The following SDK2 variants were observed in gnomAD, a reference collection of about 807,000 sequenced individuals.
The protein encoded by SDK2 is protein sidekick-2.
Under a neutral mutation model 253.9 loss-of-function variants are expected in SDK2, and 105 were observed. The observed-to-expected ratio is 0.41, with a 90% CI of 0.35 to 0.49. The LOEUF is 0.49. SDK2 is among the 20% of genes least tolerant of loss of function. The probability of loss-of-function intolerance (pLI) is 0.06; values close to 1 mark genes in which losing one functional copy is unlikely to be tolerated. For missense variants in SDK2, 2,608 were observed against 3,003.0 expected, an observed-to-expected ratio of 0.87 and a Z score of 3.07; for synonymous variants, 1,249 against 1,234.9, an observed-to-expected ratio of 1.01 and a Z score of -0.24.
At chr17:73,571,389 C>A (rs949313547) in intron 1 of SDK2, among the ~76,000 whole-genome samples, 2 of 152,182 alleles carry the variant, frequency 1.3e-5, no homozygotes, top group African/African-American at 4.8e-5. Flanking sequence ...AGCAACCCCA[C>A]AGCCAGTAGA....
chr17:73,504,294 AAG>A (rs1213617040), intron 2 of SDK2: 3 of 89,252 alleles, frequency 3.4e-5, no homozygotes, highest in Admixed American at 1.2e-4. Flanking sequence ...GAGGGAAAGA[AAG>A]AGAGAGGGAA....
chr17:73,442,153 C>A (rs1340217287), intron 5 of SDK2, among the ~76,000 whole-genome samples: 1 of 152,188 alleles, frequency 6.6e-6, no homozygotes, highest in Non-Finnish European at 1.5e-5. Context: ...GAGGAAGAGG[C>A]CAGAGCTGGC....
At chr17:73,412,263 C>CAT (rs1249305455) in intron 18 of SDK2, among the ~76,000 whole-genome samples, 9 of 147,118 alleles carry the variant, frequency 6.1e-5, no homozygotes, top group East Asian at 3.9e-4. Context: ...TATACATATA[C>CAT]ATATATATAT....
At chr17:73,362,821 A>G (rs1017448466) in intron 38 of SDK2, among the ~76,000 whole-genome samples, 3 of 152,168 alleles carry the variant, frequency 2.0e-5, no homozygotes, top group African/African-American at 4.8e-5. Flanking sequence ...AATACTCCTG[A>G]CTGCCAGCCT....
chr17:73,423,786 C>T (rs2063254919), intron 13 of SDK2, 130 bp downstream of exon 13: 2 of 850,502 alleles, frequency 2.4e-6, no homozygotes, highest in Non-Finnish European at 3.5e-6. Flanking sequence ...GGGGTATGTC[C>T]TGAGCAAAGC....
At chr17:73,478,002 C>T (rs1472560087) in intron 2 of SDK2, among the ~76,000 whole-genome samples, 1 of 152,202 alleles carries the variant, frequency 6.6e-6, no homozygotes, top group Non-Finnish European at 1.5e-5. Context: ...GAAATATATT[C>T]ACAATTCAAA....
intron 1 of SDK2, among the ~76,000 whole-genome samples, chr17:73,631,998 T>C (rs2046277476): frequency 6.6e-6 from 1 of 152,146 alleles, no homozygotes; most frequent in South Asian, 2.1e-4. Flanking sequence ...CTCTAATGGT[T>C]TGGAGCAGTT....
intron 1 of SDK2, among the ~76,000 whole-genome samples, chr17:73,597,467 T>A (rs1369470447): frequency 3.3e-5 from 5 of 152,306 alleles, no homozygotes; most frequent in Non-Finnish European, 7.3e-5. Flanking sequence ...GACGTATCTG[T>A]CTGGAATAGT....
At chr17:73,551,808 A>T (rs1225345061) in intron 1 of SDK2, among the ~76,000 whole-genome samples, 1 of 151,802 alleles carries the variant, frequency 6.6e-6, no homozygotes, top group Non-Finnish European at 1.5e-5. Flanking sequence ...AGACCACCCC[A>T]CCCCGCTGCT....
rs2046367181 is a variant in SDK2 at position 73,639,184 on chromosome 17, T to C, written c.64+4841A>G. ...GGCTCAGCTCAGCATCGCCCAGTGA[T>C]GGAGGCAGGATTCAAAGGGGCAGAA... On this transcript the variant is annotated intron_variant, in intron 1 of 44. Transcript: ENST00000392650. This position sits in a 1 kb window ranked among gnomAD's most constrained non-coding sequence, Gnocchi z 4.3. Among the ~76,000 whole-genome samples the C allele has an allele frequency of 6.6e-6, 1 of 152,186 alleles. No individual in the cohort carries two copies. The highest frequency in any genetic ancestry group is 2.4e-5 in the African/African-American group (1 of 41,446).
At chr17:73,411,455 CA>C (rs1180442374) in intron 18 of SDK2, among the ~76,000 whole-genome samples, 4 of 152,170 alleles carry the variant, frequency 2.6e-5, no homozygotes, top group African/African-American at 9.7e-5. Context: ...GACTGAAGCT[CA>C]GGGCCTGCAG....
chr17:73,364,220 G>A (rs2062665156), intron 38 of SDK2, among the ~76,000 whole-genome samples: 1 of 152,170 alleles, frequency 6.6e-6, no homozygotes, highest in Non-Finnish European at 1.5e-5. Flanking sequence ...TTCTTGGCAT[G>A]TTACCAGGGG....
Position 73,447,562 on chromosome 17 carries a change from G to A in SDK2, c.613+53C>T. On this transcript the variant is annotated intron_variant, in intron 5 of 44. Transcript: ENST00000392650. The surrounding 1 kb of genome is among the most constrained non-coding windows in gnomAD (Gnocchi z 4.0). ...CCCAATGATCCCCTGGAGCACCATT[G>A]CTAAGATTTAATGGCCCGCTCCAAG... 1 of 1,546,718 alleles carries A rather than the reference G, an allele frequency of 6.5e-7. No homozygotes were observed. The highest frequency in any genetic ancestry group is 2.5e-5 in the East Asian group (1 of 40,784).
rs2040148315 is a variant in SDK2 at position 73,435,270 on chromosome 17, T to G, written c.1195+180A>C. ...TCCTCCAGGGCTCTGGACTCAGGGC[T>G]GCAGAGGCAGCAGCGGTAACTGGCT... On this transcript the variant is annotated intron_variant, in intron 9 of 44. Transcript: ENST00000392650. The surrounding 1 kb of genome is among the most constrained non-coding windows in gnomAD (Gnocchi z 5.7). Among the ~76,000 whole-genome samples the G allele has an allele frequency of 6.6e-6, 1 of 152,226 alleles. No homozygotes were observed. Among genetic ancestry groups the G allele is most frequent in the Non-Finnish European group, 1.5e-5 (1 of 68,034 alleles).
At position 73,455,834 on chromosome 17, in the gene SDK2, A is replaced by G. The variant is rs2063521679; in HGVS notation, c.479+72T>C. On this transcript the variant is annotated intron_variant, in intron 4 of 44. Coordinates refer to ENST00000392650, the MANE Select transcript of SDK2 (RefSeq NM_001144952.2). This position sits in a 1 kb window ranked among gnomAD's most constrained non-coding sequence, Gnocchi z 5.0. ...AGGCCCTCCTCCACACTCAAGGGAGACTTTATCTGGCCCCAAACCTCCTCC... is the reference window on the plus strand; with the variant it reads ...AGGCCCTCCTCCACACTCAAGGGAGGCTTTATCTGGCCCCAAACCTCCTCC... 1.4e-6 allele frequency: 2 copies of G among 1,457,566 alleles called. No homozygotes were observed. Among genetic ancestry groups the G allele is most frequent in the Non-Finnish European group, 1.8e-6 (2 of 1,097,292 alleles). The allele number at this position is 1,457,566 out of a possible 1,614,324, so 90.3% of individuals were successfully genotyped here.
At chr17:73,463,532 C>G (rs544497697) in intron 3 of SDK2, among the ~76,000 whole-genome samples, 41 of 152,308 alleles carry the variant, frequency 2.7e-4, no homozygotes, top group African/African-American at 6.0e-4. Context: ...GGATCTCCCC[C>G]CTTCCCCGGC....
intron 24 of SDK2, among the ~76,000 whole-genome samples, chr17:73,397,672 C>T (rs1486867356): frequency 6.6e-6 from 1 of 152,168 alleles, no homozygotes; most frequent in Non-Finnish European, 1.5e-5. Flanking sequence ...AACCCCAGAC[C>T]CGCCGCTTGG....
At chr17:73,611,736 C>T (rs2045977455) in intron 1 of SDK2, among the ~76,000 whole-genome samples, 1 of 152,202 alleles carries the variant, frequency 6.6e-6, no homozygotes, top group Non-Finnish European at 1.5e-5. Context: ...TCTGTAAGGC[C>T]TACCCACTCC....
At chr17:73,582,042 A>G (rs74486030) in intron 1 of SDK2, among the ~76,000 whole-genome samples, 2,089 of 152,208 alleles carry the variant, frequency 0.014, 61 homozygotes, top group African/African-American at 0.049. Flanking sequence ...GCCCTCTCGT[A>G]TCTTACTTGG....
Sources: allele counts gnomAD v4.1 joint callset (sites outside exome capture counted in the v4.1 genomes callset), GRCh38; gene constraint gnomAD v4.1.1; non-coding constraint Gnocchi (gnomAD v3.1); transcripts MANE v1.5; gene names NCBI Gene and HGNC (gene_info 2026-07-23, HGNC 2026-07-21).